Variants in PDZRN4 observed in about 807,000 individuals in gnomAD.
PDZRN4 encodes the protein PDZ domain-containing RING finger protein 4.
In PDZRN4, 70 loss-of-function variants were observed where a neutral mutation model predicts 99.0. The observed-to-expected ratio is 0.71, with a 90% confidence interval of 0.58 to 0.86. The LOEUF (loss-of-function observed/expected upper bound fraction) is 0.86, where lower values mean the gene tolerates loss of function less well. Among genes scored for constraint, PDZRN4 ranks in the 40% least tolerant of loss-of-function variants. The pLI is 0.00. For synonymous variants in PDZRN4, 551 were observed against 501.6 expected, an observed-to-expected ratio of 1.10 and a Z score of -1.32; for missense variants, 1,474 against 1,331.2, an observed-to-expected ratio of 1.11 and a Z score of -1.67.
At chr12:41,512,420 A>T (rs540782415) in intron 5 of PDZRN4, among the ~76,000 whole-genome samples, 55 of 152,214 alleles carry the variant, frequency 3.6e-4, no homozygotes, top group African/African-American at 1.2e-3. Context: ...TCATAAGAGA[A>T]CTAAAGAATA....
At chr12:41,513,847 A>G (rs1938350002) in intron 5 of PDZRN4, among the ~76,000 whole-genome samples, 1 of 152,124 alleles carries the variant, frequency 6.6e-6, no homozygotes, top group Non-Finnish European at 1.5e-5. Context: ...ATTTGCTGTT[A>G]ACTCTCAAAA....
chr12:41,273,096 A>G (rs977172234), intron 3 of PDZRN4, among the ~76,000 whole-genome samples: 1 of 152,032 alleles, frequency 6.6e-6, no homozygotes, highest in Non-Finnish European at 1.5e-5. Flanking sequence ...TTAAGCAATC[A>G]TGGGTATGGA....
intron 9 of PDZRN4, among the ~76,000 whole-genome samples, chr12:41,569,894 T>G (rs1044300933): frequency 2.0e-5 from 3 of 152,138 alleles, no homozygotes; most frequent in Non-Finnish European, 4.4e-5. Context: ...AGATTAAAAT[T>G]TTTATGTATA....
At position 41,509,064 on chromosome 12, in the gene PDZRN4, C is replaced by A. The variant is rs370150176; in HGVS notation, c.1101-747C>A. 1.0e-3 allele frequency among the ~76,000 whole-genome samples: 154 copies of A among 152,240 alleles called. 1 individual carries two copies. The highest frequency in any genetic ancestry group is 3.6e-3 in the African/African-American group (150 of 41,560). On this transcript the variant is annotated intron_variant, in intron 4 of 9. Coordinates refer to ENST00000402685, the MANE Select transcript of PDZRN4 (RefSeq NM_001164595.2). ...CATACTAAATCGAATAACATGTTTA[C>A]AAACTATTTAAAAATTTCCTAAAAG... is the stretch of plus-strand genomic sequence containing the variant.
chr12:41,571,360 TCTCTCTCTCTCTCTCTCACACACA>T (rs1463560814), intron 9 of PDZRN4, among the ~76,000 whole-genome samples: 14 of 98,000 alleles, frequency 1.4e-4, no homozygotes, highest in African/African-American at 6.4e-4. Flanking sequence ...TCTCTCTCTC[TCTCTCTCTCTCTCTCTCACACACA>T]CACACACACA....
intron 3 of PDZRN4, among the ~76,000 whole-genome samples, chr12:41,365,305 T>C (rs562029169): frequency 4.2e-4 from 64 of 152,252 alleles, no homozygotes; most frequent in African/African-American, 1.5e-3. Context: ...GCCTCGATCA[T>C]ATTAAATCAA....
intron 3 of PDZRN4, among the ~76,000 whole-genome samples, chr12:41,488,991 G>C (rs1370886439): frequency 6.6e-6 from 1 of 152,182 alleles, no homozygotes; most frequent in Middle Eastern, 3.2e-3. Context: ...CCCATGGGCT[G>C]CATACGGCCC....
chr12:41,236,923 A>G (rs1282660356), intron 3 of PDZRN4, among the ~76,000 whole-genome samples: 3 of 152,100 alleles, frequency 2.0e-5, no homozygotes, highest in Non-Finnish European at 4.4e-5. Flanking sequence ...TTTATTGAAG[A>G]GGGGGCTCCA....
At chr12:41,239,734 A>G (rs768075716) in intron 3 of PDZRN4, among the ~76,000 whole-genome samples, 4 of 152,196 alleles carry the variant, frequency 2.6e-5, no homozygotes, top group Non-Finnish European at 5.9e-5. Context: ...CCTTTCTTAA[A>G]CAGCTTATAT....
At position 41,496,091 on chromosome 12, in the gene PDZRN4, C is replaced by T. The variant is rs140943850; in HGVS notation, c.844-10365C>T. Among the ~76,000 whole-genome samples the T allele has an allele frequency of 3.0e-4, 45 of 152,228 alleles. No individual in the cohort carries two copies. In the East Asian group the frequency reaches 7.3e-3, roughly 25 times the overall value. The stretch of plus-strand genomic sequence containing the variant: ...GCCTGTTACACTCATTTACACTCAG[C>T]TTCCACAACGTTCAAATGGGGATAA... On this transcript the variant is annotated intron_variant, in intron 3 of 9. Coordinates refer to ENST00000402685, the MANE Select transcript of PDZRN4 (RefSeq NM_001164595.2).
intron 3 of PDZRN4, among the ~76,000 whole-genome samples, chr12:41,207,413 T>C (rs1469980118): frequency 2.0e-5 from 3 of 151,848 alleles, no homozygotes; most frequent in Admixed American, 6.6e-5. Flanking sequence ...ATGTAATTTT[T>C]ATATAAAAAT....
chr12:41,306,850 C>T (rs889633520), intron 3 of PDZRN4, among the ~76,000 whole-genome samples: 1 of 152,176 alleles, frequency 6.6e-6, no homozygotes, highest in East Asian at 1.9e-4. Context: ...ATCACCTTTT[C>T]TTCATTGTCC....
chr12:41,311,314 T>C (rs974024808), intron 3 of PDZRN4, among the ~76,000 whole-genome samples: 4 of 151,766 alleles, frequency 2.6e-5, no homozygotes, highest in Non-Finnish European at 5.9e-5. Flanking sequence ...AAGTCTTATG[T>C]GGGGGAAATT....
chr12:41,314,964 A>T (rs1951629199), intron 3 of PDZRN4, among the ~76,000 whole-genome samples: 1 of 152,114 alleles, frequency 6.6e-6, no homozygotes, highest in South Asian at 2.1e-4. Flanking sequence ...ATGGTAACTC[A>T]TGCAGACAGA....
intron 3 of PDZRN4, among the ~76,000 whole-genome samples, chr12:41,295,275 A>G (rs1392905204): frequency 6.6e-6 from 1 of 152,182 alleles, no homozygotes; most frequent in East Asian, 1.9e-4. Flanking sequence ...GATACAGGAA[A>G]CACTGGAAAC....
chr12:41,188,775 G>A lies in PDZRN4; in HGVS notation c.320G>A (p.Gly107Asp). 7.2e-7 allele frequency: 1 copy of A among 1,393,970 alleles called. No individual in the cohort carries two copies. The highest frequency in any genetic ancestry group is 9.2e-7 in the Non-Finnish European group (1 of 1,081,864). 86.4% of individuals were successfully genotyped at this position (1,393,970 alleles called of 1,614,324 possible). ...GCGCACGTCGAGCACTGCGACTTCG[G>A]CCCTGCCCGCCGGCTCCGCAGCCGC... ...LEAHVEHCDF[G>D]PARRLRSRGG... Residue 107 changes from glycine (G) to aspartate (D), a missense_variant, in exon 1 of 10, where the codon GGC becomes GAC. By Grantham distance (94) the Gly-to-Asp change is moderately conservative (BLOSUM62 -1). Coordinates refer to ENST00000402685, the MANE Select transcript of PDZRN4 (RefSeq NM_001164595.2).
chr12:41,370,903 G>T (rs1952036822), intron 3 of PDZRN4, among the ~76,000 whole-genome samples: 1 of 150,496 alleles, frequency 6.6e-6, no homozygotes. Flanking sequence ...ACGTTATTCT[G>T]CTTTTTTCTT....
chr12:41,571,920 A>T (rs527912557), intron 9 of PDZRN4, among the ~76,000 whole-genome samples: 1 of 152,330 alleles, frequency 6.6e-6, no homozygotes, highest in Non-Finnish European at 1.5e-5. Flanking sequence ...CTCTGTACTT[A>T]AGGGGAAAAA....
chr12:41,281,197 A>G (rs1008695169), intron 3 of PDZRN4, among the ~76,000 whole-genome samples: 6 of 151,844 alleles, frequency 4.0e-5, no homozygotes, highest in Non-Finnish European at 8.8e-5. Flanking sequence ...ACCACGCAAA[A>G]ACTCCATCCA....
Sources: gnomAD v4.1 joint callset for allele counts (sites outside exome capture counted in the v4.1 genomes callset) on GRCh38, gnomAD v4.1.1 for gene constraint, MANE v1.5 for transcripts, NCBI Gene and HGNC (gene_info 2026-07-23, HGNC 2026-07-21) for gene names.